Variants in LHX8 observed in about 807,000 individuals in gnomAD.
LHX8 encodes the protein LIM homeobox 8.
LHX8 carries 12 observed loss-of-function variants against 40.3 expected under a neutral mutation model. That is an observed-to-expected ratio of 0.30 (90% CI 0.19 to 0.48). The LOEUF is 0.48. LHX8 is among the 20% of genes least tolerant of loss of function. The pLI is 0.99. For synonymous variants in LHX8, 179 were observed against 162.0 expected, an observed-to-expected ratio of 1.10 and a Z score of -0.80; for missense variants, 344 against 433.7, an observed-to-expected ratio of 0.79 and a Z score of 1.84.
At chr1:75,136,865 G>T (rs1395235486) in intron 2 of LHX8, among the ~76,000 whole-genome samples, 176 bp downstream of exon 2, 44 of 151,956 alleles carry the variant, frequency 2.9e-4, no homozygotes, top group Admixed American at 2.9e-3. Context: ...CGCGAGGAGG[G>T]CAGGGCCGCA....
chr1:75,177,348 G>A, the LHX8 span, among the ~76,000 whole-genome samples: 11 of 152,026 alleles, frequency 7.2e-5, no homozygotes, highest in Middle Eastern at 3.4e-3. Context: ...CTTTTATTTC[G>A]TTGATCAGTG....
At chr1:75,158,924 T>G (rs1648841757) in intron 8 of LHX8, among the ~76,000 whole-genome samples, 1 of 152,182 alleles carries the variant, frequency 6.6e-6, no homozygotes, top group South Asian at 2.1e-4. Flanking sequence ...AATATATTGA[T>G]CAGTTTTAGG....
downstream of LHX8, among the ~76,000 whole-genome samples, chr1:75,164,013 C>T (rs775039777): frequency 5.3e-5 from 8 of 152,134 alleles, no homozygotes; most frequent in Non-Finnish European, 1.0e-4. Context: ...GAACTGTGAC[C>T]AATACATTTC....
chr1:75,165,267 A>G (rs1326865038), downstream of LHX8, among the ~76,000 whole-genome samples: 1 of 152,216 alleles, frequency 6.6e-6, no homozygotes, highest in African/African-American at 2.4e-5. Context: ...GGGAATTGAA[A>G]TTTAGGAAGC....
intron 7 of LHX8, 30 bp downstream of exon 7, chr1:75,148,712 G>C: frequency 6.9e-7 from 1 of 1,440,644 alleles, no homozygotes; most frequent in Non-Finnish European, 9.7e-7. Flanking sequence ...TTTTTTTTAA[G>C]GTTTTTAAAA....
chr1:75,129,526 G>A (rs990874226), upstream of LHX8, among the ~76,000 whole-genome samples: 3 of 152,110 alleles, frequency 2.0e-5, no homozygotes, highest in African/African-American at 4.8e-5. Context: ...AGTTGTGGGC[G>A]GTCGGCGCAG....
chr1:75,147,374 C>T (rs769835296), intron 6 of LHX8, among the ~76,000 whole-genome samples: 4 of 152,170 alleles, frequency 2.6e-5, no homozygotes, highest in Non-Finnish European at 5.9e-5. Context: ...TTAACATACT[C>T]TCTGACAGAA....
the LHX8 span, among the ~76,000 whole-genome samples, chr1:75,175,125 A>G: frequency 1.3e-5 from 2 of 152,362 alleles, no homozygotes; most frequent in Admixed American, 1.3e-4. Context: ...TCCAGGTTGC[A>G]GCAAATGTCA....
chr1:75,170,970 T>C, the LHX8 span, among the ~76,000 whole-genome samples: 4 of 152,326 alleles, frequency 2.6e-5, no homozygotes, highest in African/African-American at 9.6e-5. Context: ...ATGATACAAT[T>C]GAGGCTCAGC....
chr1:75,153,528 C>A (rs2100355618), intron 7 of LHX8, among the ~76,000 whole-genome samples: 1 of 151,662 alleles, frequency 6.6e-6, no homozygotes, highest in South Asian at 2.1e-4. Context: ...TTCTCCTCCT[C>A]AGCCTCTCGA....
intron 1 of LHX8, among the ~76,000 whole-genome samples, chr1:75,128,784 A>G (rs1222057862): frequency 6.6e-6 from 1 of 152,210 alleles, no homozygotes; most frequent in Non-Finnish European, 1.5e-5. Flanking sequence ...TAACTCTCAA[A>G]TAAACCAGCG....
the LHX8 span, among the ~76,000 whole-genome samples, chr1:75,172,915 C>T: frequency 6.6e-6 from 1 of 152,152 alleles, no homozygotes; most frequent in Non-Finnish European, 1.5e-5. Context: ...TACTGAACTG[C>T]TCCCAAGTCT....
At chr1:75,137,382 T>C (rs573274280) in intron 3 of LHX8, 121 bp downstream of exon 3, 4 of 1,011,202 alleles carry the variant, frequency 4.0e-6, no homozygotes, top group Middle Eastern at 2.2e-4. Context: ...GGTTGTAGGC[T>C]TTTGCAGAAA....
intron 7 of LHX8, 31 bp from the exon 8 acceptor site, chr1:75,156,862 A>G: frequency 6.2e-7 from 1 of 1,611,408 alleles, no homozygotes; most frequent in Non-Finnish European, 8.5e-7. Flanking sequence ...TGTGTAACCT[A>G]CCTACTTCTG....
In LHX8 at chr1:75,137,271, G is replaced by T; in HGVS notation, c.237+10G>T. On this transcript the variant is annotated intron_variant, in intron 3 of 8. Transcript: ENST00000356261. The stretch of plus-strand genomic sequence containing the variant: ...CAAATACCTTCTCAAGGTAGGATAG[G>T]GCCTCGGGTGCGAGGCCCAAGGGGA... The T allele has an allele frequency of 6.2e-7, 1 of 1,613,218 alleles. No individual in the cohort carries two copies.
In LHX8 at chr1:75,161,059, CTT is replaced by C. The variant is rs1003145758; in HGVS notation, c.*167_*168del. 2 of 601,986 alleles carry C rather than the reference CTT, an allele frequency of 3.3e-6. No homozygotes were observed. Among genetic ancestry groups the C allele is most frequent in the Non-Finnish European group, 5.9e-6 (2 of 339,266 alleles). The allele number at this position is 601,986 out of a possible 1,614,324, so 37.3% of individuals were successfully genotyped here. On this transcript the variant is annotated 3_prime_UTR_variant, in exon 9 of 9. Transcript: ENST00000356261. ...GTATCTATAGTTGGCCTGCAAGACA[CTT>C]TTATTAATTCTTCATTTTTTGTAAA...
chr1:75,134,792 C>T lies in LHX8; in HGVS notation c.-175C>T. On this transcript the variant is annotated 5_prime_UTR_variant, in exon 1 of 9. Coordinates refer to ENST00000356261, the MANE Select transcript of LHX8 (RefSeq NM_001256114.2). ...CTCCTAAACAAGGTTCAGAAACTAC[C>T]TGTAACGGCCTCATCTTCAGACCTG... 9.1e-6 allele frequency: 3 copies of T among 331,252 alleles called. No individual in the cohort carries two copies. Among genetic ancestry groups the T allele is most frequent in the Non-Finnish European group, 1.3e-5 (3 of 232,818 alleles). 20.5% of individuals were successfully genotyped at this position (331,252 alleles called of 1,614,324 possible).
the LHX8 span, among the ~76,000 whole-genome samples, chr1:75,168,464 T>A: frequency 6.6e-6 from 1 of 152,148 alleles, no homozygotes; most frequent in South Asian, 2.1e-4. Context: ...TGATCGTAGA[T>A]GATCCACCTG....
chr1:75,191,679 C>T, the LHX8 span, among the ~76,000 whole-genome samples: 1 of 152,150 alleles, frequency 6.6e-6, no homozygotes, highest in East Asian at 1.9e-4. Flanking sequence ...TCTCCTGTTA[C>T]TAAAACATGT....
Sources: allele counts gnomAD v4.1 joint callset (sites outside exome capture counted in the v4.1 genomes callset), GRCh38; gene constraint gnomAD v4.1.1; transcripts MANE v1.5; gene names NCBI Gene and HGNC (gene_info 2026-07-23, HGNC 2026-07-21).